Variants in UNC5D observed in about 807,000 individuals in gnomAD.
UNC5D encodes the protein netrin receptor UNC5D.
UNC5D carries 39 observed loss-of-function variants against 105.4 expected under a neutral mutation model. The ratio of observed to expected loss-of-function variants is 0.37; its 90% CI spans 0.29 to 0.48. The LOEUF is 0.48. Ranked by LOEUF, UNC5D falls within the 20% of genes least tolerant of loss-of-function variation. The probability of loss-of-function intolerance (pLI) is 0.98; values close to 1 mark genes in which losing one functional copy is unlikely to be tolerated. For missense variants in UNC5D, 991 were observed against 1,202.4 expected, an observed-to-expected ratio of 0.82 and a Z score of 2.60; for synonymous variants, 452 against 450.4, an observed-to-expected ratio of 1.00 and a Z score of -0.04.
At chr8:35,299,002 T>C (rs1807715985) in intron 1 of UNC5D, among the ~76,000 whole-genome samples, 1 of 152,186 alleles carries the variant, frequency 6.6e-6, no homozygotes, top group African/African-American at 2.4e-5. Context: ...AGACAATGTC[T>C]CCACTGTCAA....
intron 1 of UNC5D, among the ~76,000 whole-genome samples, chr8:35,275,738 T>G (rs1399554750): frequency 6.6e-6 from 1 of 152,206 alleles, no homozygotes; most frequent in Non-Finnish European, 1.5e-5. Context: ...CATAGTCAAG[T>G]TTATCTCCTG....
At chr8:35,758,846 C>T (rs1196787925) in intron 13 of UNC5D, among the ~76,000 whole-genome samples, 1 of 152,044 alleles carries the variant, frequency 6.6e-6, no homozygotes, top group Non-Finnish European at 1.5e-5. Flanking sequence ...TTATTTTAAG[C>T]CAAAAGAATA....
intron 1 of UNC5D, among the ~76,000 whole-genome samples, chr8:35,508,828 G>C (rs1812501741): frequency 6.6e-6 from 1 of 152,170 alleles, no homozygotes; most frequent in Non-Finnish European, 1.5e-5. Context: ...GTAGAGCTTC[G>C]TTTGCAGTCT....
chr8:35,605,061 G>A (rs201860985), intron 4 of UNC5D, among the ~76,000 whole-genome samples: 30 of 152,154 alleles, frequency 2.0e-4, no homozygotes, highest in East Asian at 9.7e-4. Flanking sequence ...GTCATTCTCC[G>A]TCCAGCTTTG....
chr8:35,714,682 G>A (rs1828150817), intron 8 of UNC5D, among the ~76,000 whole-genome samples: 1 of 152,234 alleles, frequency 6.6e-6, no homozygotes, highest in Non-Finnish European at 1.5e-5. Flanking sequence ...CAGAGCAGTG[G>A]TAAAGAATAA....
At chr8:35,267,498 G>C (rs953420453) in intron 1 of UNC5D, among the ~76,000 whole-genome samples, 4 of 152,126 alleles carry the variant, frequency 2.6e-5, no homozygotes, top group African/African-American at 9.7e-5. Context: ...GGGTGCAATG[G>C]TGCGATCTCG....
At chr8:35,500,694 CT>C (rs1466607212) in intron 1 of UNC5D, among the ~76,000 whole-genome samples, 2 of 152,094 alleles carry the variant, frequency 1.3e-5, no homozygotes. Flanking sequence ...GTATCTTGGG[CT>C]GGTTATTATC....
At chr8:35,597,466 A>G (rs879139945) in intron 4 of UNC5D, among the ~76,000 whole-genome samples, 3 of 152,150 alleles carry the variant, frequency 2.0e-5, no homozygotes, top group Non-Finnish European at 1.5e-5. Flanking sequence ...AGGTATCAGC[A>G]GTTCTCTACA....
intron 4 of UNC5D, among the ~76,000 whole-genome samples, chr8:35,653,690 ATAGAT>A (rs1434653391): frequency 6.6e-6 from 1 of 152,374 alleles, no homozygotes; most frequent in Non-Finnish European, 1.5e-5. Context: ...AAAGTGGAAG[ATAGAT>A]TAAACTACTG....
chr8:35,443,858 T>C (rs1260781777), intron 1 of UNC5D, among the ~76,000 whole-genome samples: 1 of 151,958 alleles, frequency 6.6e-6, no homozygotes, highest in African/African-American at 2.4e-5. Context: ...TCATCTTTTT[T>C]AATGAGAACA....
intron 1 of UNC5D, among the ~76,000 whole-genome samples, chr8:35,451,967 C>T (rs966298095): frequency 2.6e-5 from 4 of 152,142 alleles, no homozygotes; most frequent in Non-Finnish European, 4.4e-5. Context: ...TTCTTCATTC[C>T]CATGCCTAGG....
intron 13 of UNC5D, among the ~76,000 whole-genome samples, chr8:35,753,799 A>G (rs1830394882): frequency 6.6e-6 from 1 of 152,234 alleles, no homozygotes. Flanking sequence ...CCTTGCTTGA[A>G]TAACTTTTCT....
chr8:35,593,806 A>C (rs987877299), intron 3 of UNC5D, among the ~76,000 whole-genome samples: 2 of 152,194 alleles, frequency 1.3e-5, no homozygotes, highest in African/African-American at 2.4e-5. Flanking sequence ...TCATCAGCAA[A>C]CTGACATCTT....
At chr8:35,369,515 G>A (rs187567300) in intron 1 of UNC5D, among the ~76,000 whole-genome samples, 38 of 152,298 alleles carry the variant, frequency 2.5e-4, no homozygotes, top group African/African-American at 8.7e-4. Flanking sequence ...GTCAGAGAAA[G>A]CCTGAATCCA....
At chr8:35,431,774 T>A (rs1806653781) in intron 1 of UNC5D, among the ~76,000 whole-genome samples, 1 of 152,152 alleles carries the variant, frequency 6.6e-6, no homozygotes, top group Non-Finnish European at 1.5e-5. Context: ...TACATAGTTT[T>A]CAGTCTATAT....
At chr8:35,319,759 G>C (rs1809582977) in intron 1 of UNC5D, among the ~76,000 whole-genome samples, 1 of 151,862 alleles carries the variant, frequency 6.6e-6, no homozygotes, top group Non-Finnish European at 1.5e-5. Flanking sequence ...ATGTTCTTTT[G>C]GGAACTATCA....
At chr8:35,765,981 G>A (rs999144531) in intron 14 of UNC5D, among the ~76,000 whole-genome samples, 31 of 152,056 alleles carry the variant, frequency 2.0e-4, no homozygotes, top group African/African-American at 7.2e-4. Context: ...AAAGGAGAGA[G>A]GCTTTTTAGT....
chr8:35,493,539 C>G (rs1244550513), intron 1 of UNC5D, among the ~76,000 whole-genome samples: 1 of 151,978 alleles, frequency 6.6e-6, no homozygotes, highest in Non-Finnish European at 1.5e-5. Flanking sequence ...GCCTTTCTAG[C>G]TGGCAGTTAA....
intron 1 of UNC5D, among the ~76,000 whole-genome samples, chr8:35,514,466 C>T (rs538616598): frequency 1.3e-5 from 2 of 152,294 alleles, no homozygotes; most frequent in Admixed American, 6.5e-5. Context: ...AGTCAAAGCC[C>T]AGCGCATTTC....
Sources: gnomAD v4.1 joint callset for allele counts (sites outside exome capture counted in the v4.1 genomes callset) on GRCh38, gnomAD v4.1.1 for gene constraint, MANE v1.5 for transcripts, NCBI Gene and HGNC (gene_info 2026-07-23, HGNC 2026-07-21) for gene names.